DNM3: variants seen among roughly 807,000 people sequenced by gnomAD.
DNM3 encodes the protein dynamin-3.
In DNM3, 47 loss-of-function variants were observed where a neutral mutation model predicts 101.6. The ratio of observed to expected loss-of-function variants is 0.46; its 90% confidence interval spans 0.37 to 0.59. The LOEUF (loss-of-function observed/expected upper bound fraction) is 0.59. Ranked by LOEUF, DNM3 falls within the 20% of genes least tolerant of loss-of-function variation. The pLI is 0.00. For missense variants in DNM3, 849 were observed against 1,085.7 expected, an observed-to-expected ratio of 0.78 and a Z score of 3.06; for synonymous variants, 385 against 387.9, an observed-to-expected ratio of 0.99 and a Z score of 0.09.
chr1:172,164,227 C>CTTTTTTTTTTTTTTT (rs1165249284), intron 14 of DNM3, among the ~76,000 whole-genome samples: 9 of 102,520 alleles, frequency 8.8e-5, no homozygotes, highest in African/African-American at 4.2e-4. Context: ...ATTTTCTTTT[C>CTTTTTTTTTTTTTTT]TTTTCTTTTT....
Position 172,372,170 on chromosome 1 carries a change from G to GT in DNM3, c.1894-6842dup, listed in dbSNP as rs2068372031. ...TAGGAGTGAGAATATGCGGTGTTTG[G>GT]TTTTTTGTTCTTGCGATAGTTTACT... is the stretch of plus-strand genomic sequence containing the variant. On this transcript the variant is annotated intron_variant, in intron 17 of 20. Transcript: ENST00000627582. Among the ~76,000 whole-genome samples the GT allele has an allele frequency of 2.0e-5, 3 of 147,404 alleles. No homozygotes were observed. In the South Asian group the frequency reaches 6.4e-4, roughly 31 times the overall value.
intron 1 of DNM3, among the ~76,000 whole-genome samples, chr1:171,877,021 G>A (rs760611748): frequency 6.6e-6 from 1 of 152,052 alleles, no homozygotes; most frequent in Non-Finnish European, 1.5e-5. Context: ...TTTTTCATCT[G>A]TGGGCCCACA....
intron 6 of DNM3, 90 bp from the exon 7 acceptor site, chr1:172,038,229 A>G (rs1044924726): frequency 2.7e-6 from 4 of 1,497,634 alleles, no homozygotes; most frequent in East Asian, 4.6e-5. Flanking sequence ...TAGAAAAACA[A>G]TGGAGGCGGA....
At chr1:172,122,155 G>GA (rs1341798023) in intron 13 of DNM3, among the ~76,000 whole-genome samples, 1 of 152,052 alleles carries the variant, frequency 6.6e-6, no homozygotes, top group Non-Finnish European at 1.5e-5. Context: ...AGGAAAATAG[G>GA]AAAAATACAG....
intron 14 of DNM3, among the ~76,000 whole-genome samples, chr1:172,233,768 A>G (rs1573053940): frequency 6.6e-6 from 1 of 152,352 alleles, no homozygotes; most frequent in Non-Finnish European, 1.5e-5. Context: ...TCCAGCATAT[A>G]AACAGAACCA....
chr1:172,127,624 T>C lies in DNM3; in HGVS notation c.1546-3551T>C, dbSNP rs1290544043. Reference sequence around the variant, plus strand: ...TAGGGTTTCACCATGTTATCCAGGATGGTCTCGATCCCCTGACCTCGTGAT... The same window carrying C: ...TAGGGTTTCACCATGTTATCCAGGACGGTCTCGATCCCCTGACCTCGTGAT... On this transcript the variant is annotated intron_variant, in intron 13 of 20. Transcript: ENST00000627582. Among the ~76,000 whole-genome samples, 5 of 151,776 alleles carry C rather than the reference T, an allele frequency of 3.3e-5. No individual in the cohort carries two copies. In the South Asian group the frequency reaches 6.2e-4, roughly 19 times the overall value.
At chr1:171,952,694 G>A (rs1005009841) in intron 2 of DNM3, among the ~76,000 whole-genome samples, 1 of 152,086 alleles carries the variant, frequency 6.6e-6, no homozygotes, top group Admixed American at 6.5e-5. Flanking sequence ...TTAGTACATG[G>A]AATTTATTAT....
rs113315327 is a variant in DNM3, at chr1:171,988,332, G to C, written c.385+527G>C. Among the ~76,000 whole-genome samples the C allele has an allele frequency of 9.8e-3, 1,483 of 152,062 alleles. 28 individuals are homozygous for C. The highest frequency in any genetic ancestry group is 0.034 in the African/African-American group (1,417 of 41,490). On this transcript the variant is annotated intron_variant, in intron 3 of 20. Coordinates refer to ENST00000627582, the MANE Select transcript of DNM3 (RefSeq NM_015569.5). The stretch of plus-strand genomic sequence containing the variant: ...ATTTTCATTTCTTATTCCCTACTTA[G>C]CTCTATTGCTTTTAAAACAGAATAT...
chr1:171,967,522 T>C (rs187155145), intron 2 of DNM3, among the ~76,000 whole-genome samples: 1 of 152,118 alleles, frequency 6.6e-6, no homozygotes, highest in East Asian at 1.9e-4. Flanking sequence ...GGGGGAGAGA[T>C]TCTGTCTGGA....
intron 1 of DNM3, among the ~76,000 whole-genome samples, chr1:171,858,091 A>G (rs1291771161): frequency 6.6e-6 from 1 of 152,168 alleles, no homozygotes; most frequent in South Asian, 2.1e-4. Context: ...GTGACCCAGC[A>G]TGTGGTATTT....
chr1:172,375,694 A>G (rs930231151), intron 17 of DNM3, among the ~76,000 whole-genome samples: 1 of 151,998 alleles, frequency 6.6e-6, no homozygotes, highest in African/African-American at 2.4e-5. Flanking sequence ...CTGATTCAAC[A>G]CTTTCATTCC....
chr1:172,220,454 T>C (rs2060866777), intron 14 of DNM3, among the ~76,000 whole-genome samples: 1 of 152,148 alleles, frequency 6.6e-6, no homozygotes, highest in African/African-American at 2.4e-5. Context: ...CAAGAATCAA[T>C]GCTTCAAGTG....
At chr1:172,279,848 A>T (rs2063421272) in intron 15 of DNM3, among the ~76,000 whole-genome samples, 1 of 152,076 alleles carries the variant, frequency 6.6e-6, no homozygotes, top group African/African-American at 2.4e-5. Flanking sequence ...TGCTGTTGTC[A>T]TCCTGCAGTT....
In DNM3 at chr1:171,938,873, A is replaced by G. The variant is rs143317559; in HGVS notation, c.235+17052A>G. Among the ~76,000 whole-genome samples the G allele has an allele frequency of 4.7e-3, 717 of 152,268 alleles. 5 individuals carry two copies. The highest frequency in any genetic ancestry group is 6.8e-3 in the Middle Eastern group (2 of 294). ...CTATCTGGGACTGTCATTCAGACCTACTTTAAATCTTATTTGATTGTGTTT... is the reference window on the plus strand; with the variant it reads ...CTATCTGGGACTGTCATTCAGACCTGCTTTAAATCTTATTTGATTGTGTTT... On this transcript the variant is annotated intron_variant, in intron 2 of 20. Transcript: ENST00000627582.
chr1:172,200,460 G>A (rs184300443), intron 14 of DNM3, among the ~76,000 whole-genome samples: 383 of 152,234 alleles, frequency 2.5e-3, no homozygotes, highest in Non-Finnish European at 4.4e-3. Context: ...CTCTAGCAAG[G>A]TTGGTGAAGT....
intron 2 of DNM3, among the ~76,000 whole-genome samples, chr1:171,978,783 C>T (rs115019754): frequency 6.6e-6 from 1 of 152,124 alleles, no homozygotes; most frequent in Non-Finnish European, 1.5e-5. Context: ...AGTAGCATGG[C>T]CATAGTGGAG....
intron 14 of DNM3, chr1:172,133,186 G>A (rs959368006): frequency 3.1e-6 from 4 of 1,276,554 alleles, no homozygotes; most frequent in Non-Finnish European, 3.9e-6. Context: ...GGCTCTGTGA[G>A]TCCTGAAAAT....
chr1:172,349,930 C>T (rs1366507778), intron 17 of DNM3, among the ~76,000 whole-genome samples: 1 of 152,008 alleles, frequency 6.6e-6, no homozygotes, highest in Non-Finnish European at 1.5e-5. Flanking sequence ...GCACCAAGCC[C>T]TCATGTATAT....
chr1:172,000,978 A>G (rs1220608887), intron 4 of DNM3, among the ~76,000 whole-genome samples: 1 of 152,044 alleles, frequency 6.6e-6, no homozygotes, highest in African/African-American at 2.4e-5. Context: ...TTGGTGATGG[A>G]GGATAGAGAT....
Sources: gnomAD v4.1 joint callset for allele counts (sites outside exome capture counted in the v4.1 genomes callset) on GRCh38, gnomAD v4.1.1 for gene constraint, MANE v1.5 for transcripts, NCBI Gene and HGNC (gene_info 2026-07-23, HGNC 2026-07-21) for gene names.